The following BRD4 variants were observed in gnomAD, a reference collection of about 807,000 sequenced individuals.
BRD4 encodes bromodomain containing 4.
BRD4 carries 16 observed loss-of-function variants against 142.1 expected under a neutral mutation model. The observed-to-expected ratio is 0.11, with a 90% CI of 0.08 to 0.17. The LOEUF is 0.17. Ranked by LOEUF, BRD4 falls within the 10% of genes least tolerant of loss-of-function variation. BRD4 has a pLI of 1.00. For missense variants in BRD4, 1,424 were observed against 1,810.9 expected (o/e 0.79, Z 3.88); for synonymous variants, 833 against 707.5 (o/e 1.18, Z -2.82).
intron 1 of BRD4, among the ~76,000 whole-genome samples, chr19:15,315,547 T>C (rs1045354807): frequency 2.6e-5 from 4 of 152,136 alleles, no homozygotes; most frequent in Non-Finnish European, 5.9e-5. Flanking sequence ...AACTCAATTC[T>C]ACCCTACAGT....
rs2047198064 is a variant in BRD4 at position 15,237,124 on chromosome 19, T to TC, written c.*1252dup. The TC allele has an allele frequency of 4.7e-6, 1 of 210,858 alleles. No homozygotes were observed. The highest frequency in any genetic ancestry group is 9.6e-6 in the Non-Finnish European group (1 of 104,646). 13.1% of individuals were successfully genotyped at this position (210,858 alleles called of 1,614,324 possible). A position where few individuals can be genotyped will look rare whatever the true frequency, so the allele number is the denominator to read the frequency against. On this transcript the variant is annotated 3_prime_UTR_variant, in exon 20 of 20. Coordinates refer to ENST00000679869, the MANE Select transcript of BRD4 (RefSeq NM_001379291.1). ...GTCTGTGGCGCCCCCAGGGCCCGGT[T>TC]CCCACCTCATCCCTTGGCCCTTCCT... is the stretch of plus-strand genomic sequence containing the variant.
intron 1 of BRD4, among the ~76,000 whole-genome samples, chr19:15,318,931 C>CTGACAACTCTG (rs2048038690): frequency 6.6e-6 from 1 of 152,216 alleles, no homozygotes; most frequent in Non-Finnish European, 1.5e-5. Context: ...GACACGTTAC[C>CTGACAACTCTG]TGACAACTCT....
At chr19:15,315,182 G>A (rs1029409987) in intron 1 of BRD4, among the ~76,000 whole-genome samples, 6 of 151,790 alleles carry the variant, frequency 4.0e-5, no homozygotes, top group Non-Finnish European at 5.9e-5. Context: ...GGTATTCAGA[G>A]CCAATTTCCT....
At chr19:15,269,753 C>CA (rs1292394503) in intron 2 of BRD4, among the ~76,000 whole-genome samples, 6 of 152,216 alleles carry the variant, frequency 3.9e-5, no homozygotes, top group African/African-American at 1.4e-4. Context: ...TCCCAACCCT[C>CA]AAACTTTCAG....
At chr19:15,274,980 T>A (rs2047630376) in intron 1 of BRD4, among the ~76,000 whole-genome samples, 2 of 151,776 alleles carry the variant, frequency 1.3e-5, no homozygotes, top group Non-Finnish European at 2.9e-5. Context: ...CACCTCAGCC[T>A]CCCCAGTAGC....
At position 15,252,721 on chromosome 19, in the gene BRD4, C is replaced by G. The variant is rs554769643; in HGVS notation, c.2158+1431G>C. Among the ~76,000 whole-genome samples, 4 of 152,292 alleles carry G rather than the reference C, an allele frequency of 2.6e-5. No homozygotes were observed. In the South Asian group the frequency reaches 8.3e-4, roughly 32 times the overall value. On this transcript the variant is annotated intron_variant, in intron 11 of 19. Coordinates refer to ENST00000679869, the MANE Select transcript of BRD4 (RefSeq NM_001379291.1). ...GAAGGCCAGGAGGCCAGTGAGCTGCCCACGGCATTCTGCATGCAGTTGTGG... is the reference window on the plus strand; with the variant it reads ...GAAGGCCAGGAGGCCAGTGAGCTGCGCACGGCATTCTGCATGCAGTTGTGG...
intron 1 of BRD4, among the ~76,000 whole-genome samples, chr19:15,306,988 T>A (rs935792030): frequency 1.3e-5 from 2 of 151,688 alleles, no homozygotes; most frequent in African/African-American, 4.8e-5. Flanking sequence ...AATTTGTAAA[T>A]AAAAAAACCG....
intron 1 of BRD4, among the ~76,000 whole-genome samples, chr19:15,327,792 G>T (rs2048121728): frequency 6.6e-6 from 1 of 151,434 alleles, no homozygotes; most frequent in South Asian, 2.1e-4. Flanking sequence ...GTTACATATT[G>T]TAGGATTCCT....
chr19:15,273,650 AC>A (rs1252536341), intron 1 of BRD4, among the ~76,000 whole-genome samples: 1 of 152,132 alleles, frequency 6.6e-6, no homozygotes, highest in Non-Finnish European at 1.5e-5. Flanking sequence ...GGGTCTGCCC[AC>A]CCATGGATGG....
At chr19:15,302,812 TGGCTAAAACA>T (rs2047881908) in intron 1 of BRD4, among the ~76,000 whole-genome samples, 1 of 151,438 alleles carries the variant, frequency 6.6e-6, no homozygotes, top group African/African-American at 2.4e-5. Context: ...GAGACCATCC[TGGCTAAAACA>T]GTGAAACCCC....
chr19:15,284,876 C>A (rs2047728818), intron 1 of BRD4, among the ~76,000 whole-genome samples: 1 of 152,206 alleles, frequency 6.6e-6, no homozygotes, highest in African/African-American at 2.4e-5. Flanking sequence ...TTCTTGTTTG[C>A]CCCTAATTCC....
intron 3 of BRD4, 68 bp downstream of exon 3, chr19:15,268,837 C>T: frequency 1.3e-6 from 2 of 1,579,308 alleles, no homozygotes; most frequent in African/African-American, 1.3e-5. Flanking sequence ...GGGCTCCTGA[C>T]ATGCCCACTG....
At chr19:15,306,202 C>G (rs2047912284) in intron 1 of BRD4, among the ~76,000 whole-genome samples, 1 of 152,202 alleles carries the variant, frequency 6.6e-6, no homozygotes, top group Non-Finnish European at 1.5e-5. Flanking sequence ...TTCGAGAACT[C>G]CTTTGCATTC....
At chr19:15,248,829 G>A (rs2047315120) in intron 11 of BRD4, 1 of 290,784 alleles carries the variant, frequency 3.4e-6, no homozygotes, top group South Asian at 7.8e-5. Context: ...CTGGACTGAT[G>A]TCACTGCAAG....
intron 1 of BRD4, among the ~76,000 whole-genome samples, chr19:15,328,922 C>G (rs906966998): frequency 6.6e-6 from 1 of 152,254 alleles, no homozygotes; most frequent in South Asian, 2.1e-4. Context: ...TACAGGCATG[C>G]GCCACTATGC....
intron 7 of BRD4, among the ~76,000 whole-genome samples, chr19:15,259,507 A>T (rs540655065): frequency 5.3e-5 from 8 of 152,212 alleles, no homozygotes; most frequent in Non-Finnish European, 1.2e-4. Flanking sequence ...AGCAAAAAAT[A>T]CAAGACACAA....
intron 1 of BRD4, among the ~76,000 whole-genome samples, chr19:15,310,702 C>T (rs1287227423): frequency 6.6e-6 from 1 of 151,302 alleles, no homozygotes; most frequent in Admixed American, 6.6e-5. Flanking sequence ...ACCATACTGG[C>T]CAGGCTGGTC....
Position 15,306,285 on chromosome 19 carries a change from T to C in BRD4, c.-35+26005A>G, listed in dbSNP as rs183205423. ...AAAATATGTTATTGGCCTTTTAGCGTTGTTAAAGGGTATTGCTCTGTCATC... is the reference window on the plus strand; with the variant it reads ...AAAATATGTTATTGGCCTTTTAGCGCTGTTAAAGGGTATTGCTCTGTCATC... On this transcript the variant is annotated intron_variant, in intron 1 of 19. Transcript: ENST00000679869. Among the ~76,000 whole-genome samples the C allele has an allele frequency of 2.6e-5, 4 of 152,298 alleles. No homozygotes were observed. The East Asian group carries it at 5.8e-4, about 22-fold the overall frequency.
At chr19:15,300,367 C>T (rs1568403526) in intron 1 of BRD4, among the ~76,000 whole-genome samples, 2 of 151,606 alleles carry the variant, frequency 1.3e-5, no homozygotes, top group Admixed American at 1.3e-4. Flanking sequence ...GCCTGGCCAA[C>T]ATGGTGAAAC....
Sources: allele counts gnomAD v4.1 joint callset (sites outside exome capture counted in the v4.1 genomes callset), GRCh38; gene constraint gnomAD v4.1.1; transcripts MANE v1.5; gene names NCBI Gene and HGNC (gene_info 2026-07-23, HGNC 2026-07-21).